Variants in YEATS4 observed in about 807,000 individuals in gnomAD.
The protein encoded by YEATS4 is YEATS domain containing 4.
A neutral mutation model predicts 30.1 loss-of-function variants in YEATS4; 17 were observed. The observed-to-expected ratio is 0.56, with a 90% confidence interval of 0.39 to 0.85. YEATS4 has a LOEUF of 0.85. YEATS4 is among the 40% of genes least tolerant of loss of function. YEATS4 has a pLI of 0.00. For synonymous variants in YEATS4, 85 were observed against 87.5 expected (o/e 0.97, Z 0.16); for missense variants, 142 against 268.3 (o/e 0.53, Z 3.29).
the YEATS4 span, among the ~76,000 whole-genome samples, chr12:69,411,716 G>A: frequency 6.6e-6 from 1 of 152,170 alleles, no homozygotes; most frequent in Non-Finnish European, 1.5e-5. Flanking sequence ...TGCGAGACAC[G>A]AAGGAGGTGA....
the YEATS4 span, among the ~76,000 whole-genome samples, chr12:69,426,203 T>A: frequency 6.6e-6 from 1 of 152,150 alleles, no homozygotes; most frequent in Non-Finnish European, 1.5e-5. Context: ...ATTGCACCAC[T>A]GAACTCTGGC....
the YEATS4 span, among the ~76,000 whole-genome samples, chr12:69,410,486 T>C: frequency 2.6e-5 from 4 of 152,354 alleles, no homozygotes; most frequent in Admixed American, 2.6e-4. Context: ...TAGTTTATTT[T>C]TAACAGAGGT....
the YEATS4 span, among the ~76,000 whole-genome samples, chr12:69,407,486 A>G: frequency 6.6e-6 from 1 of 152,068 alleles, no homozygotes; most frequent in East Asian, 1.9e-4. Flanking sequence ...CAGGATTAGC[A>G]TATATTGAGG....
chr12:69,365,117 A>G (rs1403489520), intron 2 of YEATS4, among the ~76,000 whole-genome samples: 2 of 152,186 alleles, frequency 1.3e-5, no homozygotes, highest in East Asian at 3.8e-4. Flanking sequence ...TACAAATCAT[A>G]AAAGAATTCA....
In YEATS4 at chr12:69,390,272, G is replaced by A; in HGVS notation, c.640G>A (p.Glu214Lys). The A allele has an allele frequency of 1.3e-6, 2 of 1,597,154 alleles. No individual in the cohort carries two copies. The highest frequency in any genetic ancestry group is 3.4e-4 in the Middle Eastern group (2 of 5,954). ...SRETINCLKN[E>K]IRKLEEDDQA... The stretch of plus-strand genomic sequence containing the variant: ...TGAAACTATAAATTGTTTAAAAAAT[G>A]AAATCAGAAAACTTGAAGAAGATGA... Residue 214 changes from glutamate to lysine, a missense_variant, in exon 7 of 7, where the codon GAA becomes AAA. Transcript: ENST00000247843.
At chr12:69,426,850 T>C in the YEATS4 span, among the ~76,000 whole-genome samples, 69 of 152,342 alleles carry the variant, frequency 4.5e-4, no homozygotes, top group African/African-American at 1.6e-3. Flanking sequence ...GATTAACTCC[T>C]AGGATAAGCA....
chr12:69,364,065 G>A, intron 2 of YEATS4: 2 of 303,362 alleles, frequency 6.6e-6, no homozygotes, highest in South Asian at 5.0e-5. Context: ...GGGGAGAAAG[G>A]GTATTGAGGT....
chr12:69,395,496 G>A (rs1868344963), downstream of YEATS4, among the ~76,000 whole-genome samples: 1 of 152,054 alleles, frequency 6.6e-6, no homozygotes, highest in African/African-American at 2.4e-5. Flanking sequence ...TAAGTAATAT[G>A]TTAGTAAGCA....
chr12:69,403,643 C>CTTAT, the YEATS4 span, among the ~76,000 whole-genome samples: 1 of 151,394 alleles, frequency 6.6e-6, no homozygotes, highest in Non-Finnish European at 1.5e-5. Flanking sequence ...AGCACAATGG[C>CTTAT]TTATTTCTTC....
At chr12:69,419,234 T>TTTTTTTTTTTTTTG in the YEATS4 span, among the ~76,000 whole-genome samples, 5 of 145,926 alleles carry the variant, frequency 3.4e-5, no homozygotes, top group Admixed American at 6.9e-5. Flanking sequence ...TTTTTTTTTT[T>TTTTTTTTTTTTTTG]TTTAGAGACA....
chr12:69,418,628 G>T, the YEATS4 span, among the ~76,000 whole-genome samples: 2 of 152,046 alleles, frequency 1.3e-5, no homozygotes, highest in African/African-American at 4.8e-5. Flanking sequence ...AATTGAAGTT[G>T]GTTTTTTTCT....
the YEATS4 span, among the ~76,000 whole-genome samples, chr12:69,403,169 T>C: frequency 3.3e-5 from 5 of 152,190 alleles, no homozygotes; most frequent in Admixed American, 1.3e-4. Flanking sequence ...TGTATAAGAA[T>C]CACCAACCCC....
Position 69,362,917 on chromosome 12 carries a change from C to T in YEATS4, c.171+10C>T, listed in dbSNP as rs775959376. The T allele has an allele frequency of 1.3e-5, 19 of 1,471,434 alleles. No individual in the cohort carries two copies. Among genetic ancestry groups the T allele is most frequent in the East Asian group, 2.7e-5 (1 of 37,580 alleles). The allele number at this position is 1,471,434 out of a possible 1,614,324, so 91.1% of individuals were successfully genotyped here. On this transcript the variant is annotated intron_variant, in intron 2 of 6. Coordinates refer to ENST00000247843, the MANE Select transcript of YEATS4 (RefSeq NM_006530.4). ...ACCATATAGAAATGAGGTAGGCACT[C>T]GTTTTTTCTGTAACTGTTTTACTTA...
rs1024811464 is a variant in YEATS4 at position 69,361,094 on chromosome 12, G to T, written c.51+1071G>T. Among the ~76,000 whole-genome samples the T allele has an allele frequency of 2.6e-5, 4 of 151,894 alleles. No individual in the cohort carries two copies. In the East Asian group the frequency reaches 7.9e-4, roughly 30 times the overall value. The stretch of plus-strand genomic sequence containing the variant: ...GCACCTGTAATCCCAGCTACTAGAG[G>T]GGCTGAGGCAGGAAAATCGCTTGAA... On this transcript the variant is annotated intron_variant, in intron 1 of 6. Transcript: ENST00000247843.
intron 6 of YEATS4, among the ~76,000 whole-genome samples, chr12:69,372,861 C>T (rs1320028071): frequency 7.2e-6 from 1 of 139,434 alleles, no homozygotes; most frequent in Non-Finnish European, 1.5e-5. Flanking sequence ...TTTTAGCTCC[C>T]ACAAATAAGT....
rs780056958 is a variant in YEATS4 at position 69,359,887 on chromosome 12, A to G, written c.-86A>G. ...GAAACCCTCCGCCTGGGCCCGCGCG[A>G]CAGGAGCGCGGTCTCTGAGGGGAGC... is the stretch of plus-strand genomic sequence containing the variant. On this transcript the variant is annotated 5_prime_UTR_variant, in exon 1 of 7. Coordinates refer to ENST00000247843, the MANE Select transcript of YEATS4 (RefSeq NM_006530.4). 3 of 1,551,634 alleles carry G rather than the reference A, an allele frequency of 1.9e-6. No individual in the cohort carries two copies. The highest frequency in any genetic ancestry group is 2.6e-6 in the Non-Finnish European group (3 of 1,133,536).
chr12:69,370,062 G>T (rs1721101884), intron 4 of YEATS4, among the ~76,000 whole-genome samples: 1 of 152,102 alleles, frequency 6.6e-6, no homozygotes, highest in African/African-American at 2.4e-5. Context: ...ATTATTTGGG[G>T]TCTGGTTTTC....
the YEATS4 span, among the ~76,000 whole-genome samples, chr12:69,416,800 C>T: frequency 6.6e-5 from 10 of 152,168 alleles, no homozygotes; most frequent in East Asian, 5.8e-4. Context: ...CAGCCGGTGG[C>T]GGTGGCTCAT....
chr12:69,413,633 C>G, the YEATS4 span, among the ~76,000 whole-genome samples: 1 of 151,484 alleles, frequency 6.6e-6, no homozygotes, highest in Non-Finnish European at 1.5e-5. Context: ...AGGCAGATCA[C>G]TTGAGGTCAG....
Sources: gnomAD v4.1 joint callset for allele counts (sites outside exome capture counted in the v4.1 genomes callset) on GRCh38, gnomAD v4.1.1 for gene constraint, MANE v1.5 for transcripts, NCBI Gene and HGNC (gene_info 2026-07-23, HGNC 2026-07-21) for gene names.